The following ATP8A2 variants were observed in gnomAD, a reference collection of about 807,000 sequenced individuals.
ATP8A2 encodes ATPase phospholipid transporting 8A2, also known as phospholipid-transporting ATPase IB.
ATP8A2 carries 100 observed loss-of-function variants against 165.6 expected under a neutral mutation model. The observed-to-expected ratio is 0.60, with a 90% CI of 0.51 to 0.71. ATP8A2 has a LOEUF of 0.71. Ranked by LOEUF, ATP8A2 falls within the 30% of genes least tolerant of loss-of-function variation. The pLI is 0.00. For synonymous variants in ATP8A2, 543 were observed against 548.8 expected (o/e 0.99, Z 0.15); for missense variants, 1,227 against 1,479.5 (o/e 0.83, Z 2.80).
intron 4 of ATP8A2, among the ~76,000 whole-genome samples, chr13:25,531,459 A>T (rs1222332938): frequency 1.6e-5 from 2 of 128,418 alleles, no homozygotes; most frequent in African/African-American, 6.3e-5. Flanking sequence ...ATATATGATT[A>T]TATATATGTT....
intron 30 of ATP8A2, among the ~76,000 whole-genome samples, chr13:25,842,831 G>A (rs913062407): frequency 7.2e-5 from 11 of 152,166 alleles, no homozygotes; most frequent in African/African-American, 2.7e-4. Flanking sequence ...AGGCATTGAA[G>A]GGTCAGTGTA....
At chr13:25,386,832 C>T (rs1276701792) in intron 1 of ATP8A2, among the ~76,000 whole-genome samples, 1 of 152,026 alleles carries the variant, frequency 6.6e-6, no homozygotes, top group Non-Finnish European at 1.5e-5. Context: ...CCCGTCTCTA[C>T]TAAAAATACA....
intron 33 of ATP8A2, among the ~76,000 whole-genome samples, chr13:25,917,738 C>G (rs1954311045): frequency 6.6e-6 from 1 of 152,142 alleles, no homozygotes; most frequent in Non-Finnish European, 1.5e-5. Flanking sequence ...CTAGAAAATT[C>G]TATTTTGGTG....
chr13:25,805,751 C>T (rs903790437), intron 27 of ATP8A2, among the ~76,000 whole-genome samples: 5 of 151,938 alleles, frequency 3.3e-5, no homozygotes, highest in Admixed American at 2.0e-4. Flanking sequence ...ATTTTGAAAC[C>T]GTGGAAATAT....
At chr13:25,672,052 AAT>A (rs1450985213) in intron 24 of ATP8A2, among the ~76,000 whole-genome samples, 1 of 152,134 alleles carries the variant, frequency 6.6e-6, no homozygotes, top group Non-Finnish European at 1.5e-5. Flanking sequence ...AACCTACATG[AAT>A]ATCGGGGCAG....
chr13:25,868,666 C>T lies in ATP8A2; in HGVS notation c.3183+6258C>T, dbSNP rs1358051053. 5.3e-5 allele frequency among the ~76,000 whole-genome samples: 8 copies of T among 152,126 alleles called. No homozygotes were observed. The East Asian group carries it at 1.2e-3, about 22-fold the overall frequency. ...ACAATGAGCGAAGTTAAGACAGTAC[C>T]GACTTCCTGGCTTCTGCTGCACCTA... On this transcript the variant is annotated intron_variant, in intron 33 of 36. Coordinates refer to ENST00000381655, the MANE Select transcript of ATP8A2 (RefSeq NM_016529.6).
At chr13:25,442,036 G>A (rs1298249745) in intron 1 of ATP8A2, among the ~76,000 whole-genome samples, 1 of 152,190 alleles carries the variant, frequency 6.6e-6, no homozygotes, top group African/African-American at 2.4e-5. Flanking sequence ...ATGTCCTCCA[G>A]CTTCATCCAT....
At chr13:25,998,096 G>A (rs923363802) in intron 35 of ATP8A2, among the ~76,000 whole-genome samples, 2 of 152,184 alleles carry the variant, frequency 1.3e-5, no homozygotes, top group African/African-American at 2.4e-5. Flanking sequence ...AATGGCCTCT[G>A]TTTATGTCTT....
At chr13:25,457,843 G>A (rs754761332) in intron 1 of ATP8A2, among the ~76,000 whole-genome samples, 3 of 152,198 alleles carry the variant, frequency 2.0e-5, no homozygotes, top group Non-Finnish European at 2.9e-5. Context: ...CAAGAGAGTC[G>A]GGAAAAGCCA....
intron 28 of ATP8A2, among the ~76,000 whole-genome samples, chr13:25,832,195 C>A (rs567033607): frequency 6.6e-6 from 1 of 152,084 alleles, no homozygotes; most frequent in African/African-American, 2.4e-5. Flanking sequence ...GCCTCGGCCC[C>A]CCAGAGTGCT....
chr13:25,570,996 C>G, intron 17 of ATP8A2, 124 bp downstream of exon 17: 1 of 667,370 alleles, frequency 1.5e-6, no homozygotes, highest in Non-Finnish European at 2.5e-6. Flanking sequence ...GTTGGCCTCA[C>G]CCTGTGGCCA....
At chr13:25,757,477 G>A (rs1316439644) in intron 25 of ATP8A2, among the ~76,000 whole-genome samples, 1 of 150,422 alleles carries the variant, frequency 6.6e-6, no homozygotes, top group Non-Finnish European at 1.5e-5. Context: ...TTCTATCCAT[G>A]TGCCAGTTCA....
intron 35 of ATP8A2, among the ~76,000 whole-genome samples, chr13:25,988,643 C>G (rs950507418): frequency 6.6e-6 from 1 of 152,200 alleles, no homozygotes; most frequent in Non-Finnish European, 1.5e-5. Context: ...CCCAGGACTG[C>G]TAATTCATTC....
At chr13:26,014,550 C>A (rs1051284979) in intron 36 of ATP8A2, among the ~76,000 whole-genome samples, 1 of 151,842 alleles carries the variant, frequency 6.6e-6, no homozygotes, top group African/African-American at 2.4e-5. Flanking sequence ...TTTCGAGAGG[C>A]CTGTGGGTCC....
chr13:25,952,878 A>G (rs1955408230), intron 33 of ATP8A2, among the ~76,000 whole-genome samples: 1 of 152,176 alleles, frequency 6.6e-6, no homozygotes, highest in Non-Finnish European at 1.5e-5. Context: ...CCTTCCTAAA[A>G]AGGTTCATAG....
intron 33 of ATP8A2, among the ~76,000 whole-genome samples, chr13:25,889,786 T>C (rs188033041): frequency 5.3e-4 from 81 of 152,302 alleles, no homozygotes; most frequent in Non-Finnish European, 7.1e-4. Flanking sequence ...TTCTCCTCCA[T>C]GGCCCATTCC....
chr13:25,984,984 TCA>T (rs1049714307), intron 35 of ATP8A2, among the ~76,000 whole-genome samples: 5 of 152,234 alleles, frequency 3.3e-5, no homozygotes, highest in African/African-American at 1.2e-4. Flanking sequence ...TACAGTGGCC[TCA>T]CACACACCCT....
intron 24 of ATP8A2, among the ~76,000 whole-genome samples, chr13:25,681,904 C>T (rs2042496123): frequency 6.6e-6 from 1 of 151,978 alleles, no homozygotes; most frequent in African/African-American, 2.4e-5. Context: ...GGACTGACTG[C>T]CTTGGATGTG....
At chr13:25,728,249 C>T (rs918623504) in intron 25 of ATP8A2, among the ~76,000 whole-genome samples, 3 of 152,216 alleles carry the variant, frequency 2.0e-5, no homozygotes, top group Non-Finnish European at 2.9e-5. Flanking sequence ...GTGAAACCTG[C>T]CTGGCTTGGA....
Sources: allele counts gnomAD v4.1 joint callset (sites outside exome capture counted in the v4.1 genomes callset), GRCh38; gene constraint gnomAD v4.1.1; transcripts MANE v1.5; gene names NCBI Gene and HGNC (gene_info 2026-07-23, HGNC 2026-07-21).